The following DAB1 variants were observed in gnomAD, a reference collection of about 807,000 sequenced individuals.
DAB1 encodes DAB adaptor protein 1.
In DAB1, 15 loss-of-function variants were observed where a neutral mutation model predicts 64.6. The ratio of observed to expected loss-of-function variants is 0.23; its 90% confidence interval spans 0.16 to 0.36. The LOEUF (loss-of-function observed/expected upper bound fraction) is 0.36. Ranked by LOEUF, DAB1 falls within the 10% of genes least tolerant of loss-of-function variation. The probability of loss-of-function intolerance (pLI) is 1.00; values close to 1 mark genes in which losing one functional copy is unlikely to be tolerated. For synonymous variants in DAB1, 235 were observed against 251.9 expected (o/e 0.93, Z 0.64); for missense variants, 596 against 706.7 (o/e 0.84, Z 1.78).
chr1:58,511,317 C>T (rs1646073345), intron 2 of DAB1, among the ~76,000 whole-genome samples: 1 of 151,972 alleles, frequency 6.6e-6, no homozygotes, highest in South Asian at 2.1e-4. Flanking sequence ...AAAATTAAGC[C>T]CACACAAATA....
intron 1 of DAB1, among the ~76,000 whole-genome samples, chr1:57,406,448 T>C (rs1255164262): frequency 3.3e-5 from 5 of 152,244 alleles, no homozygotes; most frequent in Non-Finnish European, 7.3e-5. Context: ...CTGTGGCTTT[T>C]ATAGGGTAAT....
Position 58,220,991 on chromosome 1 carries a change from ATTTTT to A in DAB1, n.310-70408_310-70404del, listed in dbSNP as rs10714614. On this transcript the variant is annotated intron_variant and non_coding_transcript_variant, in intron 4 of 20. Coordinates refer to the DAB1 transcript ENST00000485760. The stretch of plus-strand genomic sequence containing the variant: ...GCCCAGGTGGAAAGCTATGAGATTG[ATTTTT>A]TTTTTTTTTTTTTTTTTTACCCCAG... Among the ~76,000 whole-genome samples the A allele has an allele frequency of 1.6e-3, 199 of 122,134 alleles. 1 individual carries two copies. Among genetic ancestry groups the A allele is most frequent in the African/African-American group, 4.5e-3 (147 of 32,572 alleles). 80.1% of individuals were successfully genotyped at this position (122,134 alleles called of 152,430 possible).
chr1:58,261,955 G>A (rs1661057353), intron 4 of DAB1, among the ~76,000 whole-genome samples: 2 of 152,160 alleles, frequency 1.3e-5, no homozygotes, highest in Admixed American at 6.5e-5. Flanking sequence ...AAAATAGTGA[G>A]TTGTTTGCAA....
intron 6 of DAB1, among the ~76,000 whole-genome samples, chr1:57,788,025 G>GAAC (rs1357079808): frequency 6.6e-6 from 1 of 151,456 alleles, no homozygotes; most frequent in East Asian, 1.9e-4. Flanking sequence ...AAGTGATGAA[G>GAAC]AACATCTGGA....
intron 4 of DAB1, among the ~76,000 whole-genome samples, chr1:58,240,980 A>G (rs974047779): frequency 6.6e-6 from 1 of 152,190 alleles, no homozygotes; most frequent in African/African-American, 2.4e-5. Context: ...GAGAGTTGAC[A>G]AAAGTATAAA....
intron 7 of DAB1, among the ~76,000 whole-genome samples, chr1:57,447,033 C>T (rs1485160592): frequency 1.3e-5 from 2 of 152,190 alleles, no homozygotes; most frequent in Non-Finnish European, 2.9e-5. Flanking sequence ...CAAGCACCTT[C>T]CATGTGAATC....
At chr1:57,033,430 T>C in intron 9 of DAB1, 1 of 1,612,964 alleles carries the variant, frequency 6.2e-7, no homozygotes, top group Non-Finnish European at 8.5e-7. Flanking sequence ...GGCAGGTTTC[T>C]GTTCTGTAAC....
intron 2 of DAB1, among the ~76,000 whole-genome samples, chr1:58,515,110 T>C (rs1646139535): frequency 2.0e-5 from 3 of 152,234 alleles, no homozygotes; most frequent in Admixed American, 6.5e-5. Flanking sequence ...CATTTTCCAA[T>C]ATTGCTGATG....
chr1:57,869,096 T>C (rs1224444074), intron 1 of DAB1, among the ~76,000 whole-genome samples: 1 of 152,084 alleles, frequency 6.6e-6, no homozygotes, highest in African/African-American at 2.4e-5. Flanking sequence ...TATAATCTAG[T>C]AGATAAGAGA....
At chr1:58,524,269 G>A (rs192109735) in intron 2 of DAB1, among the ~76,000 whole-genome samples, 69 of 152,176 alleles carry the variant, frequency 4.5e-4, no homozygotes, top group Non-Finnish European at 8.4e-4. Context: ...TCTCCTTAAC[G>A]ATTTTCTTAA....
chr1:57,605,572 C>T (rs1645626511), intron 7 of DAB1, among the ~76,000 whole-genome samples: 2 of 152,164 alleles, frequency 1.3e-5, no homozygotes, highest in South Asian at 2.1e-4. Context: ...ATTTTCTTTA[C>T]TCCAAGTGCA....
chr1:57,091,910 C>A (rs1653715586), intron 4 of DAB1, among the ~76,000 whole-genome samples: 1 of 152,188 alleles, frequency 6.6e-6, no homozygotes, highest in Admixed American at 6.5e-5. Context: ...GTTGAGAGCA[C>A]TCCGTAACTG....
chr1:57,250,260 C>G (rs1669228460), intron 2 of DAB1, among the ~76,000 whole-genome samples: 2 of 152,168 alleles, frequency 1.3e-5, no homozygotes, highest in African/African-American at 4.8e-5. Context: ...AATGTTAATT[C>G]CTCACCTCAG....
chr1:58,250,039 C>T (rs1483751879), intron 4 of DAB1, among the ~76,000 whole-genome samples: 4 of 152,174 alleles, frequency 2.6e-5, no homozygotes, highest in East Asian at 1.9e-4. Flanking sequence ...CTCCAGTTCC[C>T]ACCCAGGAGG....
At chr1:58,125,556 C>A (rs1653014122) in intron 5 of DAB1, among the ~76,000 whole-genome samples, 1 of 151,776 alleles carries the variant, frequency 6.6e-6, no homozygotes, top group Non-Finnish European at 1.5e-5. Context: ...ATCTTCTCAC[C>A]TCAGCCTCCC....
At chr1:57,800,657 G>A (rs1651080434) in intron 6 of DAB1, among the ~76,000 whole-genome samples, 1 of 152,096 alleles carries the variant, frequency 6.6e-6, no homozygotes, top group Admixed American at 6.5e-5. Flanking sequence ...TTACAGTCTC[G>A]GGAAGAAATA....
chr1:58,446,849 A>T (rs1008691657), intron 3 of DAB1, among the ~76,000 whole-genome samples: 2 of 152,168 alleles, frequency 1.3e-5, no homozygotes, highest in Admixed American at 1.3e-4. Flanking sequence ...TCTCCCTCCA[A>T]GGCAAACTAA....
At chr1:58,000,536 A>C (rs1646490482) in intron 5 of DAB1, among the ~76,000 whole-genome samples, 1 of 139,650 alleles carries the variant, frequency 7.2e-6, no homozygotes, top group South Asian at 2.4e-4. Flanking sequence ...TTTCCCCCTC[A>C]ATTATTCTCT....
chr1:57,991,206 A>T (rs1646332586), intron 5 of DAB1, among the ~76,000 whole-genome samples: 1 of 152,214 alleles, frequency 6.6e-6, no homozygotes, highest in Admixed American at 6.5e-5. Flanking sequence ...AAATTAATAG[A>T]GGCAGAGGCT....
Sources: allele counts gnomAD v4.1 joint callset (sites outside exome capture counted in the v4.1 genomes callset), GRCh38; gene constraint gnomAD v4.1.1; transcripts MANE v1.5; gene names NCBI Gene and HGNC (gene_info 2026-07-23, HGNC 2026-07-21).